Variants in DNAH17 observed in about 807,000 individuals in gnomAD.
DNAH17 encodes the protein dynein axonemal heavy chain 17, also known as axonemal beta dynein heavy chain 17.
Under a neutral mutation model 485.6 loss-of-function variants are expected in DNAH17, and 376 were observed. The ratio of observed to expected loss-of-function variants is 0.77; its 90% CI spans 0.71 to 0.84. DNAH17 has a LOEUF of 0.84. Among genes scored for constraint, DNAH17 ranks in the 40% least tolerant of loss-of-function variants. The probability of loss-of-function intolerance (pLI) is 0.00; values close to 1 mark genes in which losing one functional copy is unlikely to be tolerated. For synonymous variants in DNAH17, 3,031 were observed against 2,405.9 expected, an observed-to-expected ratio of 1.26 and a Z score of -7.60; for missense variants, 6,370 against 5,839.3, an observed-to-expected ratio of 1.09 and a Z score of -2.96.
chr17:78,478,937 C>T (rs1568120211), intron 51 of DNAH17, 88 bp downstream of exon 51: 1 of 1,068,756 alleles, frequency 9.4e-7, no homozygotes, highest in Non-Finnish European at 1.4e-6. Context: ...TCAGTCCACA[C>T]CTCCCTGAGA....
chr17:78,557,081 C>T (rs543731579), intron 14 of DNAH17, among the ~76,000 whole-genome samples: 11 of 152,208 alleles, frequency 7.2e-5, no homozygotes, highest in African/African-American at 1.4e-4. Context: ...TTGATTACTG[C>T]GTCAGGTCCC....
intron 76 of DNAH17, 46 bp from the exon 77 acceptor site, chr17:78,428,753 T>A (rs1470313562): frequency 6.2e-7 from 1 of 1,603,516 alleles, no homozygotes; most frequent in East Asian, 2.2e-5. Context: ...CTGTGCAGGC[T>A]GAAACCCATG....
intron 43 of DNAH17, 140 bp downstream of exon 43, chr17:78,491,303 A>G: frequency 1.6e-6 from 2 of 1,263,502 alleles, no homozygotes; most frequent in East Asian, 2.6e-5. Context: ...CCTCACTCAT[A>G]GCTTCCTGTG....
intron 54 of DNAH17, 94 bp from the exon 55 acceptor site, chr17:78,468,977 T>A (rs2088620021): frequency 1.4e-6 from 2 of 1,454,046 alleles, no homozygotes; most frequent in Admixed American, 2.3e-5. Context: ...GGCCATTTTT[T>A]CTTTGAGACG....
chr17:78,500,835 TGAA>T (rs765993696), intron 35 of DNAH17: 11 of 229,370 alleles, frequency 4.8e-5, no homozygotes, highest in Non-Finnish European at 8.4e-5. Context: ...CCTTCAGGTG[TGAA>T]GGAGGAACCA....
In DNAH17 at chr17:78,426,421, A is replaced by T. The variant is rs761215088; in HGVS notation, c.12915+36T>A. 42 of 1,554,408 alleles carry T rather than the reference A, an allele frequency of 2.7e-5. No individual in the cohort carries two copies. In the Middle Eastern group the frequency reaches 6.9e-4, roughly 26 times the overall value. On this transcript the variant is annotated intron_variant, in intron 79 of 80. Transcript: ENST00000389840. ...CCGAGCTCTGGGCACTCGGTCCCCG[A>T]GTCTTAGGAAGCCTCTCAGAGAAAA...
rs1212621166 is a variant in DNAH17, at chr17:78,526,901, C to T, written c.3603G>A (p.Arg1201=). 6.3e-7 allele frequency: 1 copy of T among 1,577,518 alleles called. No individual in the cohort carries two copies. Among genetic ancestry groups the T allele is most frequent in the Non-Finnish European group, 8.6e-7 (1 of 1,161,242 alleles). The change falls in exon 23 of 81, where the codon CGG becomes CGA. Residue 1201 remains arginine (R), a synonymous_variant. Coordinates refer to ENST00000389840, the MANE Select transcript of DNAH17 (RefSeq NM_173628.4). ...ATACCTCGAATTGCTGGCATTTCCG[C>T]CGCAGGATGCTGACCTCGTTGGCCT... The part of the protein sequence containing the change: ...PLQANEVSIL[R]RKCQQFELKQ...
chr17:78,548,471 T>TG (rs1406539730), intron 16 of DNAH17, among the ~76,000 whole-genome samples: 2 of 152,240 alleles, frequency 1.3e-5, no homozygotes, highest in African/African-American at 4.8e-5. Flanking sequence ...CCCAAAGTGC[T>TG]GGGATTACAC....
chr17:78,514,686 A>G (rs1450505947), intron 26 of DNAH17, 88 bp downstream of exon 26: 4 of 1,505,286 alleles, frequency 2.7e-6, no homozygotes, highest in African/African-American at 1.4e-5. Flanking sequence ...GGCCCTGAAC[A>G]CCTTGGCTAG....
At chr17:78,477,354 C>T (rs904335105) in intron 51 of DNAH17, among the ~76,000 whole-genome samples, 25 of 151,192 alleles carry the variant, frequency 1.7e-4, no homozygotes, top group African/African-American at 5.4e-4. Context: ...GAGAGCATGG[C>T]ATTTGGGCTG....
At position 78,460,011 on chromosome 17, in the gene DNAH17, A is replaced by G. The variant is rs745780146; in HGVS notation, c.9436-10T>C. On this transcript the variant is annotated splice_polypyrimidine_tract_variant and intron_variant, in intron 59 of 80. Coordinates refer to ENST00000389840, the MANE Select transcript of DNAH17 (RefSeq NM_173628.4). ...GCTCTGTCAGGTTGTTCTGCAAATGACAGACGGGATGGGTCCGATGGGAGT... is the reference window on the plus strand; with the variant it reads ...GCTCTGTCAGGTTGTTCTGCAAATGGCAGACGGGATGGGTCCGATGGGAGT... 3.5e-5 allele frequency: 57 copies of G among 1,612,186 alleles called. No homozygotes were observed. Among genetic ancestry groups the G allele is most frequent in the Non-Finnish European group, 4.7e-5 (56 of 1,179,860 alleles).
intron 47 of DNAH17, 24 bp from the exon 48 acceptor site, chr17:78,485,057 G>T (rs774452826): frequency 6.4e-6 from 10 of 1,572,540 alleles, no homozygotes; most frequent in Non-Finnish European, 8.6e-6. Flanking sequence ...AGGGTCAGCT[G>T]CCCGCCTGCG....
chr17:78,544,432 G>T lies in DNAH17; in HGVS notation c.2392-435C>A, dbSNP rs149717120. On this transcript the variant is annotated intron_variant, in intron 16 of 80. Coordinates refer to ENST00000389840, the MANE Select transcript of DNAH17 (RefSeq NM_173628.4). ...TCCCTTTTGTGGGGGCCACTGATCT[G>T]CCGACAAGGGTGGGAAAGGGTAGAG... 4.7e-4 allele frequency among the ~76,000 whole-genome samples: 72 copies of T among 152,286 alleles called. No homozygotes were observed. The East Asian group carries it at 0.014, about 29-fold the overall frequency.
At chr17:78,447,208 T>C (rs2087346617) in intron 69 of DNAH17, among the ~76,000 whole-genome samples, 1 of 151,870 alleles carries the variant, frequency 6.6e-6, no homozygotes, top group Admixed American at 6.6e-5. Flanking sequence ...ATACTAGGCA[T>C]GAGCCTCAGT....
chr17:78,479,210 T>C (rs1055527579), intron 50 of DNAH17, 94 bp from the exon 51 acceptor site: 79 of 1,252,016 alleles, frequency 6.3e-5, no homozygotes, highest in Non-Finnish European at 8.7e-5. Flanking sequence ...GACTACGAAA[T>C]GGTGACAACT....
chr17:78,494,326 C>A (rs544468462), intron 40 of DNAH17, 153 bp from the exon 41 acceptor site: 2 of 1,198,534 alleles, frequency 1.7e-6, no homozygotes, highest in African/African-American at 1.6e-5. Flanking sequence ...CTGTCAATGC[C>A]GAGAGTTGAC....
chr17:78,450,422 GAC>G, intron 67 of DNAH17, 28 bp from the exon 68 acceptor site: 1 of 1,612,274 alleles, frequency 6.2e-7, no homozygotes. Context: ...GGGTGTGAAT[GAC>G]ACAGCAGATG....
chr17:78,525,087 G>A lies in DNAH17; in HGVS notation c.3786C>T (p.Pro1262=), dbSNP rs757644568. 47 of 1,613,704 alleles carry A rather than the reference G, an allele frequency of 2.9e-5. 1 individual carries two copies. Among genetic ancestry groups the A allele is most frequent in the Middle Eastern group, 3.3e-4 (2 of 6,084 alleles). The change falls in exon 25 of 81, where the codon CCC becomes CCT. Residue 1262 remains proline (P), a synonymous_variant. Coordinates refer to ENST00000389840, the MANE Select transcript of DNAH17 (RefSeq NM_173628.4). Reference sequence around the variant, plus strand: ...CCTTGAGCTGCTTGTAGTCTGGGACGGGGACCTCGAACAGGCCCCCGGACT... The same window carrying A: ...CCTTGAGCTGCTTGTAGTCTGGGACAGGGACCTCGAACAGGCCCCCGGACT... The part of the protein sequence containing the change: ...LSKSGGLFEV[P]VPDYKQLKAC...
chr17:78,499,605 G>C (rs2090200544), intron 36 of DNAH17: 1 of 152,548 alleles, frequency 6.6e-6, no homozygotes, highest in Non-Finnish European at 1.5e-5. Flanking sequence ...GTCCCTTCCA[G>C]GGAGATCCAA....
Sources: allele counts gnomAD v4.1 joint callset (sites outside exome capture counted in the v4.1 genomes callset), GRCh38; gene constraint gnomAD v4.1.1; transcripts MANE v1.5; gene names NCBI Gene and HGNC (gene_info 2026-07-23, HGNC 2026-07-21).